Variants in OSBPL8 observed in about 807,000 individuals in gnomAD.
The protein encoded by OSBPL8 is oxysterol-binding protein-related protein 8.
Under a neutral mutation model 125.5 loss-of-function variants are expected in OSBPL8, and 59 were observed. The observed-to-expected ratio is 0.47, with a 90% CI of 0.38 to 0.58. The LOEUF is 0.58. Ranked by LOEUF, OSBPL8 falls within the 20% of genes least tolerant of loss-of-function variation. The probability of loss-of-function intolerance (pLI) is 0.00; values close to 1 mark genes in which losing one functional copy is unlikely to be tolerated. For missense variants in OSBPL8, 758 were observed against 1,047.8 expected, an observed-to-expected ratio of 0.72 and a Z score of 3.82; for synonymous variants, 330 against 338.9, an observed-to-expected ratio of 0.97 and a Z score of 0.29.
rs552621612 is a variant in OSBPL8 at position 76,434,140 on chromosome 12, T to C, written c.217+16711A>G. ...CAACAGTAATCAAAATGGTATAGCA[T>C]TGGCATACAGACAGACATATCGACC... is the stretch of plus-strand genomic sequence containing the variant. On this transcript the variant is annotated intron_variant, in intron 4 of 23. Coordinates refer to ENST00000261183, the MANE Select transcript of OSBPL8 (RefSeq NM_020841.5). Among the ~76,000 whole-genome samples, 8 of 152,226 alleles carry C rather than the reference T, an allele frequency of 5.3e-5. No homozygotes were observed. In the South Asian group the frequency reaches 6.2e-4, roughly 12 times the overall value.
chr12:76,557,604 A>G (rs1951144824), intron 1 of OSBPL8, among the ~76,000 whole-genome samples: 1 of 116,314 alleles, frequency 8.6e-6, no homozygotes, highest in Admixed American at 1.0e-4. Flanking sequence ...ACAGAGTGAG[A>G]CAGTCTTAAA....
chr12:76,527,309 A>C (rs1019554534), intron 1 of OSBPL8, among the ~76,000 whole-genome samples: 2 of 152,196 alleles, frequency 1.3e-5, no homozygotes, highest in African/African-American at 4.8e-5. Flanking sequence ...AATAAAGTAC[A>C]TTAATTACAG....
At chr12:76,499,755 G>A (rs897999215) in intron 1 of OSBPL8, among the ~76,000 whole-genome samples, 3 of 152,056 alleles carry the variant, frequency 2.0e-5, no homozygotes, top group Non-Finnish European at 4.4e-5. Flanking sequence ...TCGGGAGGCT[G>A]AAGTAGGAGA....
At position 76,420,828 on chromosome 12, in the gene OSBPL8, T is replaced by C. The variant is rs569115454; in HGVS notation, c.218-10194A>G. Among the ~76,000 whole-genome samples the C allele has an allele frequency of 4.2e-4, 64 of 152,176 alleles. 4 individuals are homozygous for C. The South Asian group carries it at 0.013, about 30-fold the overall frequency. ...TACTTAATTCCATTCTACTTCTTAG[T>C]TGATAAAAGCAGATATTTTATAGAG... is the stretch of plus-strand genomic sequence containing the variant. On this transcript the variant is annotated intron_variant, in intron 4 of 23. Coordinates refer to ENST00000261183, the MANE Select transcript of OSBPL8 (RefSeq NM_020841.5).
At position 76,402,805 on chromosome 12, in the gene OSBPL8, G is replaced by A. The variant is rs764549284; in HGVS notation, c.289-39C>T. On this transcript the variant is annotated intron_variant, in intron 5 of 23. Coordinates refer to ENST00000261183, the MANE Select transcript of OSBPL8 (RefSeq NM_020841.5). ...GAAACAAGAGAAATTAAATCCTTCAGATTTTCTACACGTCGCATAAAAATT... is the reference window on the plus strand; with the variant it reads ...GAAACAAGAGAAATTAAATCCTTCAAATTTTCTACACGTCGCATAAAAATT... The A allele has an allele frequency of 1.1e-5, 14 of 1,302,730 alleles. No homozygotes were observed. In the South Asian group the frequency reaches 1.8e-4, roughly 17 times the overall value. The allele number at this position is 1,302,730 out of a possible 1,614,324, so 80.7% of individuals were successfully genotyped here.
chr12:76,376,367 T>C (rs200677235), intron 16 of OSBPL8, among the ~76,000 whole-genome samples: 1 of 152,218 alleles, frequency 6.6e-6, no homozygotes, highest in East Asian at 1.9e-4. Flanking sequence ...GACTATGCAA[T>C]GTTTCTCAAA....
chr12:76,460,772 T>C (rs1874625537), intron 2 of OSBPL8, among the ~76,000 whole-genome samples: 1 of 152,118 alleles, frequency 6.6e-6, no homozygotes, highest in African/African-American at 2.4e-5. Flanking sequence ...AGTTCTCAGC[T>C]CTCCTTCATT....
At chr12:76,493,166 T>C (rs1157986115) in intron 1 of OSBPL8, among the ~76,000 whole-genome samples, 1 of 152,166 alleles carries the variant, frequency 6.6e-6, no homozygotes, top group East Asian at 1.9e-4. Flanking sequence ...ATAGGGAATA[T>C]TATATGCTCT....
At chr12:76,515,759 A>G (rs1047119855) in intron 1 of OSBPL8, among the ~76,000 whole-genome samples, 1 of 151,330 alleles carries the variant, frequency 6.6e-6, no homozygotes, top group Admixed American at 6.6e-5. Context: ...GCTTTTCTCC[A>G]TTCTCCATGG....
chr12:76,356,813 T>C, intron 22 of OSBPL8, 85 bp from the exon 23 acceptor site: 1 of 904,666 alleles, frequency 1.1e-6, no homozygotes, highest in South Asian at 1.7e-5. Context: ...AAAATTTTCC[T>C]GGGCATTTGT....
chr12:76,373,411 C>T lies in OSBPL8; in HGVS notation c.1850G>A (p.Cys617Tyr). The T allele has an allele frequency of 6.2e-7, 1 of 1,607,716 alleles. No individual in the cohort carries two copies. The highest frequency in any genetic ancestry group is 8.5e-7 in the Non-Finnish European group (1 of 1,175,786). Residue 617 changes from cysteine (C) to tyrosine (Y), a missense_variant, in exon 18 of 24, where the codon TGT becomes TAT. By Grantham distance (194) the Cys-to-Tyr change is radical. Coordinates refer to ENST00000261183, the MANE Select transcript of OSBPL8 (RefSeq NM_020841.5). ...KLKPFLGSSD[C>Y]VNQISGKLKL... The stretch of plus-strand genomic sequence containing the variant: ...AAGTTTCCCTGATATTTGATTAACA[C>T]AGTCACTACTCCCTAGGAATGGCTT...
chr12:76,385,838 C>T (rs943723850), intron 14 of OSBPL8, among the ~76,000 whole-genome samples: 1 of 151,246 alleles, frequency 6.6e-6, no homozygotes, highest in Admixed American at 6.6e-5. Flanking sequence ...AAATGAATGC[C>T]ACACCACTGA....
rs754190304 is a variant in OSBPL8, at chr12:76,369,834, G to A, written c.2055-12C>T. 3 of 1,589,406 alleles carry A rather than the reference G, an allele frequency of 1.9e-6. No individual in the cohort carries two copies. Among genetic ancestry groups the A allele is most frequent in the East Asian group, 2.2e-5 (1 of 44,608 alleles). On this transcript the variant is annotated splice_polypyrimidine_tract_variant and intron_variant, in intron 19 of 23. Transcript: ENST00000261183. ...CCCGTTGCCAGAGTCTAATACATGT[G>A]CGAAAATATTAAAAGTATTAAAAAT...
rs190969520 is a variant in OSBPL8 at position 76,476,235 on chromosome 12, T to A, written c.42+11275A>T. Among the ~76,000 whole-genome samples the A allele has an allele frequency of 6.8e-4, 103 of 152,206 alleles. 1 individual carries two copies. The highest frequency in any genetic ancestry group is 2.0e-3 in the African/African-American group (84 of 41,514). On this transcript the variant is annotated intron_variant, in intron 2 of 23. Transcript: ENST00000261183. Reference sequence around the variant, plus strand: ...TCTTACCTTTCTATGTAGGACAGTATCAGACAAGGCAGTAATATTCCCAGA... The same window carrying A: ...TCTTACCTTTCTATGTAGGACAGTAACAGACAAGGCAGTAATATTCCCAGA...
chr12:76,498,852 T>G (rs1183400476), intron 1 of OSBPL8, among the ~76,000 whole-genome samples: 3 of 151,542 alleles, frequency 2.0e-5, no homozygotes, highest in Admixed American at 1.3e-4. Flanking sequence ...CCAGACTAGC[T>G]GGGACTACAG....
intron 1 of OSBPL8, among the ~76,000 whole-genome samples, chr12:76,558,329 A>T (rs965879542): frequency 6.6e-6 from 1 of 152,212 alleles, no homozygotes; most frequent in East Asian, 1.9e-4. Flanking sequence ...ATGAAACTCT[A>T]GGAAATTAGC....
chr12:76,483,260 C>CA (rs1877736141), intron 2 of OSBPL8, among the ~76,000 whole-genome samples: 1 of 151,114 alleles, frequency 6.6e-6, no homozygotes, highest in South Asian at 2.1e-4. Context: ...GACTCTGTCT[C>CA]AAAAAATAAC....
At chr12:76,545,466 A>G (rs1399467769) in intron 1 of OSBPL8, among the ~76,000 whole-genome samples, 1 of 152,212 alleles carries the variant, frequency 6.6e-6, no homozygotes, top group Non-Finnish European at 1.5e-5. Flanking sequence ...CCCATACTTA[A>G]GCTGACGGTT....
intron 16 of OSBPL8, among the ~76,000 whole-genome samples, chr12:76,377,274 C>A (rs1219943509): frequency 1.3e-5 from 2 of 152,018 alleles, no homozygotes; most frequent in African/African-American, 4.8e-5. Context: ...AATGTATAAC[C>A]CTTTGGGTAT....
Sources: allele counts gnomAD v4.1 joint callset (sites outside exome capture counted in the v4.1 genomes callset), GRCh38; gene constraint gnomAD v4.1.1; transcripts MANE v1.5; gene names NCBI Gene and HGNC (gene_info 2026-07-23, HGNC 2026-07-21).